ITIH5: variants seen among roughly 807,000 people sequenced by gnomAD.
ITIH5 encodes inter-alpha-trypsin inhibitor heavy chain H5.
Under a neutral mutation model 77.5 loss-of-function variants are expected in ITIH5, and 65 were observed. The ratio of observed to expected loss-of-function variants is 0.84; its 90% CI spans 0.69 to 1.03. ITIH5 has a LOEUF of 1.03. Ranked by LOEUF, ITIH5 falls within the 50% of genes least tolerant of loss-of-function variation. The pLI is 0.00. For synonymous variants in ITIH5, 525 were observed against 494.3 expected, an observed-to-expected ratio of 1.06 and a Z score of -0.82; for missense variants, 1,208 against 1,213.1, an observed-to-expected ratio of 1.00 and a Z score of 0.06.
intron 7 of ITIH5, among the ~76,000 whole-genome samples, chr10:7,595,348 T>TCC (rs60882471): frequency 6.6e-5 from 10 of 152,144 alleles, no homozygotes; most frequent in Non-Finnish European, 1.5e-4. Flanking sequence ...AAGAATATAT[T>TCC]TCTTACTATT....
chr10:7,639,480 G>A lies in ITIH5; in HGVS notation c.401+1274C>T, dbSNP rs151083557. Among the ~76,000 whole-genome samples, 140 of 152,368 alleles carry A rather than the reference G, an allele frequency of 9.2e-4. 2 individuals carry two copies. In the East Asian group the frequency reaches 0.024, roughly 26 times the overall value. On this transcript the variant is annotated intron_variant, in intron 4 of 13. Transcript: ENST00000397146. ...CCCATGGCTCATGTCCTCCAGACAA[G>A]AGTGAGGCATTCCCTTGTCACTAAT...
At position 7,566,109 on chromosome 10, in the gene ITIH5, C is replaced by T. The variant is rs138709165; in HGVS notation, c.2448G>A (p.Pro816=). 1.1e-4 allele frequency: 174 copies of T among 1,614,040 alleles called. 2 individuals carry two copies. The African/African-American group carries it at 1.7e-3, about 16-fold the overall frequency. The change falls in exon 13 of 14, where the codon CCG becomes CCA. Residue 816 remains proline (P), a synonymous_variant. Transcript: ENST00000397146. ...FVILIHLYKK[P]APFQRHHLGF... ...CCAGGTGGTGTCGCTGGAAGGGCGCCGGCTTTTTGTAGAGGTGGATGAGGA... is the reference window on the plus strand; with the variant it reads ...CCAGGTGGTGTCGCTGGAAGGGCGCTGGCTTTTTGTAGAGGTGGATGAGGA...
Position 7,586,022 on chromosome 10 carries a change from G to C in ITIH5, c.987C>G (p.Asp329Glu). The C allele has an allele frequency of 6.2e-7, 1 of 1,614,008 alleles. No individual in the cohort carries two copies. The change falls in exon 8 of 14, where the codon GAC (aspartate) becomes GAG (glutamate). Residue 329 changes from aspartate (D) to glutamate (E), a missense_variant. Asp to Glu is a conservative substitution (Grantham distance 45). Transcript: ENST00000397146. ...FTILHDLRPQ[D>E]RFSIIGFSNR... is the part of the protein sequence containing the mutation. The stretch of plus-strand genomic sequence containing the variant: ...TGGAAAATCCAATGATACTGAAACG[G>C]TCCTGGGGTCGGAGGTCATGGAGAA...
At chr10:7,605,672 T>C (rs1833110185) in intron 7 of ITIH5, among the ~76,000 whole-genome samples, 1 of 152,126 alleles carries the variant, frequency 6.6e-6, no homozygotes, top group African/African-American at 2.4e-5. Context: ...TATCAGGCAA[T>C]GCCAGCGCTT....
intron 7 of ITIH5, among the ~76,000 whole-genome samples, chr10:7,586,511 G>T (rs1222372370): frequency 2.0e-5 from 3 of 152,094 alleles, no homozygotes; most frequent in Non-Finnish European, 4.4e-5. Flanking sequence ...AGCCCTCAAT[G>T]CATTCCTATT....
At chr10:7,600,055 T>A (rs551274910) in intron 7 of ITIH5, among the ~76,000 whole-genome samples, 1 of 152,120 alleles carries the variant, frequency 6.6e-6, no homozygotes, top group African/African-American at 2.4e-5. Flanking sequence ...AGCTACAGAG[T>A]CCAGAGCAGA....
intron 7 of ITIH5, among the ~76,000 whole-genome samples, chr10:7,607,760 G>A (rs1833154355): frequency 2.0e-5 from 3 of 152,262 alleles, no homozygotes; most frequent in Admixed American, 1.3e-4. Context: ...GTTGCAGTGA[G>A]CTGAGATAGC....
intron 8 of ITIH5, among the ~76,000 whole-genome samples, chr10:7,585,137 AGG>A (rs1347782812): frequency 6.6e-6 from 1 of 152,188 alleles, no homozygotes; most frequent in African/African-American, 2.4e-5. Context: ...CCTGAAAGGA[AGG>A]GGGAGGGAGT....
chr10:7,601,380 G>C (rs1056450638), intron 7 of ITIH5, among the ~76,000 whole-genome samples: 2 of 152,164 alleles, frequency 1.3e-5, no homozygotes, highest in Non-Finnish European at 2.9e-5. Flanking sequence ...TGACTGCTTT[G>C]TCCTCACAGA....
chr10:7,642,055 C>A lies in ITIH5; in HGVS notation c.171G>T (p.Lys57Asn). The change falls in exon 3 of 14, where the codon AAG becomes AAT. Residue 57 changes from lysine to asparagine, a missense_variant. Physicochemically the swap from Lys to Asn is moderately conservative, Grantham distance 94. Transcript: ENST00000397146. ...AGGCATAACGGGAAATGATGGTAGA[C>A]TTCACTGAGAATTCTGTCATCAAAG... Reference protein sequence around the residue: ...TKPLMTEFSVKSTIISRYAFT... With the variant: ...TKPLMTEFSVNSTIISRYAFT... The A allele has an allele frequency of 1.9e-6, 3 of 1,614,044 alleles. No homozygotes were observed. Among genetic ancestry groups the A allele is most frequent in the Non-Finnish European group, 2.5e-6 (3 of 1,179,940 alleles).
intron 5 of ITIH5, among the ~76,000 whole-genome samples, chr10:7,630,495 T>C (rs1015576834): frequency 2.0e-5 from 3 of 152,206 alleles, no homozygotes; most frequent in African/African-American, 7.2e-5. Context: ...GCTTGTAACT[T>C]TCCTTTGTTT....
chr10:7,624,341 CT>C (rs1833522421), intron 5 of ITIH5, among the ~76,000 whole-genome samples: 1 of 151,292 alleles, frequency 6.6e-6, no homozygotes. Flanking sequence ...AACCCCGTCT[CT>C]ACTAAAAATA....
intron 8 of ITIH5, among the ~76,000 whole-genome samples, chr10:7,581,721 CTT>C (rs142992412): frequency 0.34 from 33,988 of 100,484 alleles, 4,768 homozygotes; most frequent in Middle Eastern, 0.38. Context: ...TCTTTTCCTT[CTT>C]TTTTTTTTTT....
chr10:7,623,339 T>TG (rs1833504154), intron 5 of ITIH5, among the ~76,000 whole-genome samples: 1 of 152,200 alleles, frequency 6.6e-6, no homozygotes, highest in Admixed American at 6.5e-5. Context: ...CCTGCTTACC[T>TG]GGGATCCAAC....
intron 13 of ITIH5, among the ~76,000 whole-genome samples, chr10:7,565,320 C>T (rs1175708494): frequency 6.7e-6 from 1 of 149,730 alleles, no homozygotes; most frequent in Non-Finnish European, 1.5e-5. Context: ...TATATACACA[C>T]ACACATCACA....
At chr10:7,623,579 G>A (rs907327698) in intron 5 of ITIH5, among the ~76,000 whole-genome samples, 10 of 151,900 alleles carry the variant, frequency 6.6e-5, no homozygotes, top group Admixed American at 1.3e-4. Context: ...CAAGGCAGGC[G>A]GATCACAAGG....
intron 5 of ITIH5, among the ~76,000 whole-genome samples, chr10:7,628,118 G>C (rs1056759162): frequency 6.6e-6 from 1 of 152,172 alleles, no homozygotes; most frequent in African/African-American, 2.4e-5. Flanking sequence ...TGGGATTACA[G>C]ACCTGAGCCA....
rs1220681711 is a variant in ITIH5 at position 7,637,323 on chromosome 10, C to T, written c.557G>A (p.Ser186Asn). 1 of 1,613,946 alleles carries T rather than the reference C, an allele frequency of 6.2e-7. No homozygotes were observed. The highest frequency in any genetic ancestry group is 1.7e-5 in the Admixed American group (1 of 60,016). The change falls in exon 5 of 14, where the codon AGC becomes AAC. Residue 186 changes from serine (S) to asparagine (N), a missense_variant. By Grantham distance (46) the Ser-to-Asn change is conservative. Coordinates refer to ENST00000397146, the MANE Select transcript of ITIH5 (RefSeq NM_030569.7). ...VRPQQLSGRL[S>N]VDVNILESAG... ...GCTCTCCAGGATATTCACGTCCACG[C>T]TCAGCCTCCCGGACAGCTGCTGGGG...
chr10:7,660,825 A>C (rs1411405431), intron 1 of ITIH5, among the ~76,000 whole-genome samples: 3 of 152,262 alleles, frequency 2.0e-5, no homozygotes, highest in Non-Finnish European at 4.4e-5. Flanking sequence ...GTTGACTTAA[A>C]GACAGATGTA....
Sources: allele counts gnomAD v4.1 joint callset (sites outside exome capture counted in the v4.1 genomes callset), GRCh38; gene constraint gnomAD v4.1.1; transcripts MANE v1.5; gene names NCBI Gene and HGNC (gene_info 2026-07-23, HGNC 2026-07-21).